The following ADD1 variants were observed in gnomAD, a reference collection of about 807,000 sequenced individuals.
The protein encoded by ADD1 is alpha-adducin.
In ADD1, 24 loss-of-function variants were observed where a neutral mutation model predicts 80.5. The observed-to-expected ratio is 0.30, with a 90% confidence interval of 0.22 to 0.42. The LOEUF (loss-of-function observed/expected upper bound fraction) is 0.42, where lower values mean the gene tolerates loss of function less well. Ranked by LOEUF, ADD1 falls within the 10% of genes least tolerant of loss-of-function variation. The pLI is 1.00. For missense variants in ADD1, 948 were observed against 1,019.0 expected, an observed-to-expected ratio of 0.93 and a Z score of 0.95; for synonymous variants, 373 against 393.8, an observed-to-expected ratio of 0.95 and a Z score of 0.63.
intron 13 of ADD1, among the ~76,000 whole-genome samples, chr4:2,909,937 A>T (rs1737739502): frequency 6.7e-6 from 1 of 148,862 alleles, no homozygotes; most frequent in Admixed American, 6.8e-5. Context: ...AGTCTTTGTC[A>T]GCCCTTGATA....
chr4:2,853,861 C>T (rs1727681300), intron 1 of ADD1, among the ~76,000 whole-genome samples: 1 of 152,096 alleles, frequency 6.6e-6, no homozygotes, highest in Non-Finnish European at 1.5e-5. Flanking sequence ...GCCTCGGCCT[C>T]CAAAAGTGCT....
chr4:2,878,467 T>G (rs574247161), intron 2 of ADD1, among the ~76,000 whole-genome samples: 1 of 152,262 alleles, frequency 6.6e-6, no homozygotes, highest in African/African-American at 2.4e-5. Flanking sequence ...TTGAGCAGTT[T>G]ACTTACGTAA....
At chr4:2,858,508 T>A (rs561727935) in intron 1 of ADD1, among the ~76,000 whole-genome samples, 1 of 152,330 alleles carries the variant, frequency 6.6e-6, no homozygotes, top group African/African-American at 2.4e-5. Flanking sequence ...TTGAGCACAT[T>A]TATTAATCAG....
chr4:2,851,273 CT>C (rs1482294584), intron 1 of ADD1, among the ~76,000 whole-genome samples: 3 of 152,172 alleles, frequency 2.0e-5, no homozygotes, highest in Admixed American at 6.5e-5. Context: ...GTGAAATTCT[CT>C]GAACTAATTT....
intron 11 of ADD1, 127 bp from the exon 12 acceptor site, chr4:2,908,388 C>T (rs538238421): frequency 3.0e-4 from 233 of 771,136 alleles, no homozygotes; most frequent in Middle Eastern, 1.1e-3. Context: ...ATCCTGCCTG[C>T]GTGGGGCAGT....
intron 13 of ADD1, among the ~76,000 whole-genome samples, chr4:2,912,806 C>T (rs1036222527): frequency 2.6e-5 from 4 of 152,090 alleles, no homozygotes; most frequent in Non-Finnish European, 5.9e-5. Context: ...GGATTATAAG[C>T]ATGAGCTGTG....
chr4:2,886,952 C>T (rs572741789), intron 4 of ADD1, among the ~76,000 whole-genome samples: 1 of 152,358 alleles, frequency 6.6e-6, no homozygotes, highest in East Asian at 1.9e-4. Flanking sequence ...AACAGCTTCA[C>T]CTTCTTCGCA....
intron 9 of ADD1, 26 bp downstream of exon 9, chr4:2,899,461 A>G (rs950821166): frequency 1.2e-6 from 2 of 1,613,646 alleles, no homozygotes; most frequent in African/African-American, 2.7e-5. Flanking sequence ...CCACTTGATG[A>G]TAAACCTTTT....
At chr4:2,857,428 C>A (rs1023468570) in intron 1 of ADD1, among the ~76,000 whole-genome samples, 2 of 151,894 alleles carry the variant, frequency 1.3e-5, no homozygotes, top group Non-Finnish European at 2.9e-5. Flanking sequence ...GTGGGTAAAT[C>A]GAAACCCTGT....
chr4:2,882,569 A>C lies in ADD1; in HGVS notation c.358+509A>C, dbSNP rs368115655. Among the ~76,000 whole-genome samples, 16 of 152,334 alleles carry C rather than the reference A, an allele frequency of 1.1e-4. No homozygotes were observed. The South Asian group carries it at 1.9e-3, about 18-fold the overall frequency. On this transcript the variant is annotated intron_variant, in intron 3 of 15. Transcript: ENST00000683351. ...ATGTTAACATGACAAAGCATCAACT[A>C]ATCTGAGCCACTGCATATTGTACCT...
intron 1 of ADD1, among the ~76,000 whole-genome samples, chr4:2,868,879 A>T (rs1222001606): frequency 6.6e-6 from 1 of 152,168 alleles, no homozygotes; most frequent in Non-Finnish European, 1.5e-5. Flanking sequence ...CGAGTTGGAT[A>T]TTGAGAATGA....
intron 13 of ADD1, among the ~76,000 whole-genome samples, chr4:2,914,259 G>A (rs548904069): frequency 5.9e-5 from 9 of 152,296 alleles, no homozygotes; most frequent in East Asian, 3.9e-4. Flanking sequence ...TCTGTGAGCC[G>A]CCTTGGTGCT....
rs1003160150 is a variant in ADD1, at chr4:2,929,540, C to CTT, written c.*1018_*1019insTT. 1.3e-5 allele frequency: 2 copies of CTT among 152,304 alleles called. No homozygotes were observed. The highest frequency in any genetic ancestry group is 4.8e-5 in the African/African-American group (2 of 41,456). The allele number at this position is 152,304 out of a possible 1,614,324, so 9.4% of individuals were successfully genotyped here. ...GTTGTTGTTACTTCCCTCCAAGAGG[C>CTT]TGGAAAAGGGCTCAGAGCTGCTGAG... On this transcript the variant is annotated 3_prime_UTR_variant, in exon 16 of 16. Transcript: ENST00000683351.
chr4:2,923,780 G>C (rs1740501987), intron 14 of ADD1, among the ~76,000 whole-genome samples: 1 of 152,254 alleles, frequency 6.6e-6, no homozygotes, highest in South Asian at 2.1e-4. Context: ...AACCCTGAGA[G>C]ATAGGTCATT....
chr4:2,874,663 A>G (rs1330911411), intron 1 of ADD1, among the ~76,000 whole-genome samples: 4 of 151,866 alleles, frequency 2.6e-5, no homozygotes, highest in Admixed American at 6.6e-5. Flanking sequence ...TCTTATCTTT[A>G]CATTTAGAAC....
chr4:2,849,683 G>T (rs573007743), intron 1 of ADD1, among the ~76,000 whole-genome samples: 2 of 152,310 alleles, frequency 1.3e-5, no homozygotes, highest in South Asian at 4.1e-4. Context: ...GTGGATTAAC[G>T]TATTGAGAAT....
At chr4:2,847,215 G>T (rs555986271) in intron 1 of ADD1, among the ~76,000 whole-genome samples, 1 of 151,922 alleles carries the variant, frequency 6.6e-6, no homozygotes, top group Non-Finnish European at 1.5e-5. Flanking sequence ...CTGAGGTCAG[G>T]AGTTTGAGAC....
rs779496852 is a variant in ADD1, at chr4:2,894,105, C to T, written c.591+12C>T. 5 of 1,608,684 alleles carry T rather than the reference C, an allele frequency of 3.1e-6. 1 individual carries two copies. The South Asian group carries it at 5.5e-5, about 18-fold the overall frequency. On this transcript the variant is annotated intron_variant, in intron 5 of 15. Coordinates refer to ENST00000683351, the MANE Select transcript of ADD1 (RefSeq NM_001354761.2). Reference sequence around the variant, plus strand: ...CTGCATCCAGTTTGGTAAGAATGTCCTTCTCTTTGGCAGCTTGTATGTGCA... The same window carrying T: ...CTGCATCCAGTTTGGTAAGAATGTCTTTCTCTTTGGCAGCTTGTATGTGCA...
intron 14 of ADD1, among the ~76,000 whole-genome samples, chr4:2,917,471 T>G (rs1158082101): frequency 6.6e-6 from 1 of 152,242 alleles, no homozygotes; most frequent in Admixed American, 6.5e-5. Flanking sequence ...TTTCTCCCAT[T>G]CTGTAGATTC....
Sources: allele counts gnomAD v4.1 joint callset (sites outside exome capture counted in the v4.1 genomes callset), GRCh38; gene constraint gnomAD v4.1.1; transcripts MANE v1.5; gene names NCBI Gene and HGNC (gene_info 2026-07-23, HGNC 2026-07-21).